KCNQ3: variants seen among roughly 807,000 people sequenced by gnomAD.
The protein encoded by KCNQ3 is potassium voltage-gated channel subfamily Q member 3, also known as potassium voltage-gated channel subfamily KQT member 3.
A neutral mutation model predicts 92.5 loss-of-function variants in KCNQ3; 30 were observed. The ratio of observed to expected loss-of-function variants is 0.32; its 90% confidence interval spans 0.24 to 0.44. The LOEUF is 0.44. KCNQ3 is among the 20% of genes least tolerant of loss of function. KCNQ3 has a pLI of 1.00. For missense variants in KCNQ3, 913 were observed against 1,140.3 expected (o/e 0.80, Z 2.87); for synonymous variants, 450 against 468.8 (o/e 0.96, Z 0.52).
At chr8:132,392,202 G>A (rs1347568454) in intron 1 of KCNQ3, among the ~76,000 whole-genome samples, 1 of 152,182 alleles carries the variant, frequency 6.6e-6, no homozygotes, top group East Asian at 1.9e-4. Flanking sequence ...CTTCAGCTCT[G>A]GGGTCAATTT....
At chr8:132,164,558 A>G (rs1826085801) in intron 8 of KCNQ3, among the ~76,000 whole-genome samples, 1 of 152,100 alleles carries the variant, frequency 6.6e-6, no homozygotes, top group Non-Finnish European at 1.5e-5. Context: ...TGGGCTGGCC[A>G]TACATTCTCT....
chr8:132,227,826 C>T (rs757270381), intron 1 of KCNQ3, among the ~76,000 whole-genome samples: 36 of 152,086 alleles, frequency 2.4e-4, no homozygotes, highest in African/African-American at 7.0e-4. Context: ...ATTAGAACCA[C>T]GATCAATGGG....
intron 1 of KCNQ3, among the ~76,000 whole-genome samples, chr8:132,263,503 G>A (rs1166661291): frequency 6.6e-6 from 1 of 152,204 alleles, no homozygotes; most frequent in Non-Finnish European, 1.5e-5. Context: ...TGAGGCTGGG[G>A]CTGGATGAGC....
At chr8:132,307,352 G>C (rs1817457844) in intron 1 of KCNQ3, among the ~76,000 whole-genome samples, 1 of 152,142 alleles carries the variant, frequency 6.6e-6, no homozygotes, top group Admixed American at 6.5e-5. Context: ...ACGCCCCTTA[G>C]GTTTGTGGCT....
At position 132,348,000 on chromosome 8, in the gene KCNQ3, AAG is replaced by A. The variant is rs1563872307; in HGVS notation, c.386+132145_386+132146del. On this transcript the variant is annotated intron_variant, in intron 1 of 14. Coordinates refer to ENST00000388996, the MANE Select transcript of KCNQ3 (RefSeq NM_004519.4). ...TCTAAAAAAAAAAAAAAAAAAAAAA[AAG>A]GAAAACCCACTATTCCAGATAAGGG... Among the ~76,000 whole-genome samples, 12 of 145,028 alleles carry A rather than the reference AAG, an allele frequency of 8.3e-5. No individual in the cohort carries two copies. In the East Asian group the frequency reaches 2.0e-3, roughly 25 times the overall value.
chr8:132,415,689 A>G lies in KCNQ3; in HGVS notation c.386+64458T>C, dbSNP rs113806728. Among the ~76,000 whole-genome samples the G allele has an allele frequency of 9.8e-3, 1,489 of 152,252 alleles. 19 individuals carry two copies. The highest frequency in any genetic ancestry group is 0.014 in the Non-Finnish European group (972 of 68,010). On this transcript the variant is annotated intron_variant, in intron 1 of 14. Coordinates refer to ENST00000388996, the MANE Select transcript of KCNQ3 (RefSeq NM_004519.4). Reference sequence around the variant, plus strand: ...GGTATGGACAGTTCTTTTGATGGCCATCAGAGAGAGATAAATCATCGTAAC... The same window carrying G: ...GGTATGGACAGTTCTTTTGATGGCCGTCAGAGAGAGATAAATCATCGTAAC...
rs1826712021 is a variant in KCNQ3, at chr8:132,180,254, C to T, written c.680G>A (p.Arg227Gln). 6.2e-7 allele frequency: 1 copy of T among 1,614,142 alleles called. No homozygotes were observed. The change falls in exon 4 of 15, where the codon CGA (arginine) becomes CAA (glutamine). Residue 227 changes from arginine to glutamine, a missense_variant. Transcript: ENST00000388996. ...NQGNVLATSL[R>Q]SLRFLQILRM... The stretch of plus-strand genomic sequence containing the variant: ...CAGGATCTGCAGGAAGCGCAGGCTT[C>T]GCAGGGAGGTGGCCAGAACATTGCC...
At chr8:132,312,823 C>A (rs1237728534) in intron 1 of KCNQ3, among the ~76,000 whole-genome samples, 2 of 152,186 alleles carry the variant, frequency 1.3e-5, no homozygotes, top group Admixed American at 1.3e-4. Flanking sequence ...TGAGGTCTCT[C>A]CAGCCATGTG....
intron 1 of KCNQ3, among the ~76,000 whole-genome samples, chr8:132,426,270 C>T (rs1164375827): frequency 2.0e-5 from 3 of 152,256 alleles, no homozygotes; most frequent in Non-Finnish European, 4.4e-5. Flanking sequence ...CCCTCCTCCG[C>T]TCCCATGGAT....
In KCNQ3 at chr8:132,441,459, C is replaced by A. The variant is rs1023951406; in HGVS notation, c.386+38688G>T. Among the ~76,000 whole-genome samples the A allele has an allele frequency of 9.9e-5, 15 of 152,122 alleles. No individual in the cohort carries two copies. The South Asian group carries it at 2.9e-3, about 29-fold the overall frequency. Reference sequence around the variant, plus strand: ...GTCCCAGCTACCCGGGAGGCTGAGGCAGGAGAATGGCGTGAACCCGGAAGG... The same window carrying A: ...GTCCCAGCTACCCGGGAGGCTGAGGAAGGAGAATGGCGTGAACCCGGAAGG... On this transcript the variant is annotated intron_variant, in intron 1 of 14. Coordinates refer to ENST00000388996, the MANE Select transcript of KCNQ3 (RefSeq NM_004519.4).
At chr8:132,200,899 G>A (rs990983776) in intron 1 of KCNQ3, among the ~76,000 whole-genome samples, 1 of 152,096 alleles carries the variant, frequency 6.6e-6, no homozygotes, top group African/African-American at 2.4e-5. Flanking sequence ...TTTTTCGGTT[G>A]CTATAACAGA....
intron 9 of KCNQ3, among the ~76,000 whole-genome samples, chr8:132,159,271 GTTT>G (rs1825909376): frequency 6.6e-6 from 1 of 152,234 alleles, no homozygotes; most frequent in East Asian, 1.9e-4. Flanking sequence ...CAATTATCGT[GTTT>G]TGTCTACTTG....
At chr8:132,182,406 C>A (rs1826815468) in intron 3 of KCNQ3, among the ~76,000 whole-genome samples, 1 of 152,216 alleles carries the variant, frequency 6.6e-6, no homozygotes, top group East Asian at 1.9e-4. Context: ...TCCCATAGGG[C>A]CACATTGTGG....
chr8:132,417,985 T>C (rs571816058), intron 1 of KCNQ3, among the ~76,000 whole-genome samples: 1 of 152,280 alleles, frequency 6.6e-6, no homozygotes, highest in Non-Finnish European at 1.5e-5. Context: ...AAAGCACTCC[T>C]GGCTCTAGTT....
chr8:132,447,186 A>C, intron 1 of KCNQ3: 1 of 1,534,060 alleles, frequency 6.5e-7, no homozygotes, highest in Non-Finnish European at 8.7e-7. Context: ...CCAAAATGAG[A>C]ATCCAAAGAC....
intron 1 of KCNQ3, among the ~76,000 whole-genome samples, chr8:132,267,727 A>G (rs527826304): frequency 1.2e-4 from 18 of 152,344 alleles, no homozygotes; most frequent in African/African-American, 4.3e-4. Context: ...AATCTCCTGA[A>G]TGAAAATATT....
intron 1 of KCNQ3, among the ~76,000 whole-genome samples, chr8:132,299,908 T>C (rs1234071308): frequency 1.3e-5 from 2 of 152,256 alleles, no homozygotes; most frequent in Admixed American, 6.5e-5. Context: ...AGAAACCAAG[T>C]TGGCTTCTAA....
At chr8:132,196,916 C>G (rs17654436) in intron 1 of KCNQ3, among the ~76,000 whole-genome samples, 34,043 of 151,988 alleles carry the variant, frequency 0.22, 4,142 homozygotes, top group African/African-American at 0.32. Flanking sequence ...AATAAATGCT[C>G]ACAGACTACA....
At chr8:132,479,240 CT>C (rs1368618204) in intron 1 of KCNQ3, among the ~76,000 whole-genome samples, 2 of 152,110 alleles carry the variant, frequency 1.3e-5, no homozygotes, top group Non-Finnish European at 2.9e-5. Flanking sequence ...GGAGTTCCTT[CT>C]TCCTTCTGGC....
Sources: gnomAD v4.1 joint callset for allele counts (sites outside exome capture counted in the v4.1 genomes callset) on GRCh38, gnomAD v4.1.1 for gene constraint, MANE v1.5 for transcripts, NCBI Gene and HGNC (gene_info 2026-07-23, HGNC 2026-07-21) for gene names.